The following TACC2 variants were observed in gnomAD, a reference collection of about 807,000 sequenced individuals.
The protein encoded by TACC2 is transforming acidic coiled-coil containing protein 2.
TACC2 carries 137 observed loss-of-function variants against 227.3 expected under a neutral mutation model. The observed-to-expected ratio is 0.60, with a 90% confidence interval of 0.52 to 0.69. The LOEUF (loss-of-function observed/expected upper bound fraction) is 0.69. Ranked by LOEUF, TACC2 falls within the 30% of genes least tolerant of loss-of-function variation. The pLI is 0.00. For missense variants in TACC2, 3,470 were observed against 3,694.4 expected (o/e 0.94, Z 1.57); for synonymous variants, 1,523 against 1,487.5 (o/e 1.02, Z -0.55).
At chr10:122,229,246 A>C in intron 14 of TACC2, 100 bp from the exon 15 acceptor site, 1 of 1,459,736 alleles carries the variant, frequency 6.9e-7, no homozygotes. Flanking sequence ...CTCAAGGCAA[A>C]AATGTCCAGC....
At chr10:122,236,132 G>A (rs1281033948) in intron 16 of TACC2, among the ~76,000 whole-genome samples, 5 of 152,232 alleles carry the variant, frequency 3.3e-5, no homozygotes, top group Admixed American at 2.6e-4. Flanking sequence ...TGATGCTGTC[G>A]TAGGGTAGGC....
intron 5 of TACC2, among the ~76,000 whole-genome samples, chr10:122,093,240 A>G (rs1467588384): frequency 6.6e-6 from 1 of 152,138 alleles, no homozygotes; most frequent in African/African-American, 2.4e-5. Flanking sequence ...TGGATTGAAA[A>G]GTGGAGGGAG....
chr10:122,211,135 C>G lies in TACC2; in HGVS notation c.6710C>G (p.Thr2237Ser). The change falls in exon 9 of 23, where the codon ACC (threonine) becomes AGC (serine). Residue 2237 changes from threonine (T) to serine (S), a missense_variant. Thr to Ser is a moderately conservative substitution (Grantham distance 58). Coordinates refer to ENST00000369005, the MANE Select transcript of TACC2 (RefSeq NM_206862.4). ...PPVGRKTLPLTTAPEAGEVTP... is the reference protein window; with the variant it reads ...PPVGRKTLPLSTAPEAGEVTP... ...GTCGGGAGGAAAACGCTGCCTCTTA[C>G]CACGGCCCCGGAGGCAGGGGAGGTA... 1 of 1,609,058 alleles carries G rather than the reference C, an allele frequency of 6.2e-7. No homozygotes were observed. The highest frequency in any genetic ancestry group is 1.3e-5 in the African/African-American group (1 of 74,824).
At chr10:122,229,302 C>A in intron 14 of TACC2, 44 bp from the exon 15 acceptor site, 1 of 1,610,638 alleles carries the variant, frequency 6.2e-7, no homozygotes, top group Non-Finnish European at 8.5e-7. Context: ...ACTCTCTGTT[C>A]TCCTCTATTT....
chr10:121,991,852 C>T (rs144455402), intron 1 of TACC2, among the ~76,000 whole-genome samples: 50 of 152,296 alleles, frequency 3.3e-4, no homozygotes, highest in Admixed American at 5.9e-4. Context: ...CTCACAGTTC[C>T]GTGTGGCTGG....
chr10:122,064,354 G>T (rs1239628630), intron 3 of TACC2, among the ~76,000 whole-genome samples: 1 of 151,986 alleles, frequency 6.6e-6, no homozygotes, highest in Admixed American at 6.6e-5. Context: ...ACATTAATGT[G>T]GTATATTTGT....
At chr10:122,001,024 T>C (rs932648159) in intron 1 of TACC2, among the ~76,000 whole-genome samples, 5 of 152,212 alleles carry the variant, frequency 3.3e-5, no homozygotes, top group Non-Finnish European at 7.3e-5. Context: ...GGTTTCATCA[T>C]GTTGGCCGGG....
chr10:122,122,310 G>C (rs1465027212), intron 5 of TACC2, among the ~76,000 whole-genome samples: 3 of 152,126 alleles, frequency 2.0e-5, no homozygotes, highest in African/African-American at 7.2e-5. Flanking sequence ...AGCCGAGATC[G>C]TGCCACTGTA....
At chr10:122,059,554 C>T (rs969783864) in intron 3 of TACC2, among the ~76,000 whole-genome samples, 3 of 82,010 alleles carry the variant, frequency 3.7e-5, no homozygotes, top group Non-Finnish European at 8.8e-5. Flanking sequence ...CTCTCCTGTT[C>T]TCTCCTCTTT....
At chr10:122,130,693 TC>T (rs2138763299) in intron 5 of TACC2, among the ~76,000 whole-genome samples, 1 of 152,344 alleles carries the variant, frequency 6.6e-6, no homozygotes, top group South Asian at 2.1e-4. Flanking sequence ...TAGCTGCTGT[TC>T]AACCTTCGAC....
intron 7 of TACC2, chr10:122,163,765 C>T (rs1398246678): frequency 1.6e-6 from 2 of 1,213,454 alleles, no homozygotes; most frequent in Admixed American, 4.4e-5. Context: ...AGTCGCAGCT[C>T]CCTGCCGCCG....
rs1342833766 is a variant in TACC2, at chr10:122,168,062, T to C, written c.5834+24356T>C. Among the ~76,000 whole-genome samples, 7 of 57,138 alleles carry C rather than the reference T, an allele frequency of 1.2e-4. No individual in the cohort carries two copies. In the Admixed American group the frequency reaches 1.3e-3, roughly 10 times the overall value. The allele number at this position is 57,138 out of a possible 152,430, so 37.5% of individuals were successfully genotyped here. A position where few individuals can be genotyped will look rare whatever the true frequency, so the allele number is the denominator to read the frequency against. On this transcript the variant is annotated intron_variant, in intron 7 of 22. Transcript: ENST00000369005. ...TCACCATGCCCAGCTTTTTTTTTTTTTTTTTTTTTTAAATAATTTTTTGTA... is the reference window on the plus strand; with the variant it reads ...TCACCATGCCCAGCTTTTTTTTTTTCTTTTTTTTTTAAATAATTTTTTGTA...
rs1453696909 is a variant in TACC2, at chr10:122,006,616, T to G, written c.-45-15321T>G. Among the ~76,000 whole-genome samples, 3 of 152,226 alleles carry G rather than the reference T, an allele frequency of 2.0e-5. No homozygotes were observed. In the East Asian group the frequency reaches 5.8e-4, roughly 29 times the overall value. The stretch of plus-strand genomic sequence containing the variant: ...CTTGGGATTGATTGTTTTGGGTTAA[T>G]TTTCCTAGGTATTTAGTGAGTCCTT... On this transcript the variant is annotated intron_variant, in intron 1 of 22. Transcript: ENST00000369005.
chr10:122,085,263 G>T lies in TACC2; in HGVS notation c.2763G>T (p.Met921Ile), dbSNP rs1309792473. Residue 921 changes from methionine to isoleucine, a missense_variant, in exon 4 of 23, where the codon ATG (methionine) becomes ATT (isoleucine). Around this residue, in one of 10 missense-constraint regions of TACC2, gnomAD observed 1,924 missense variants for 1,978.3 expected, o/e 0.97. Transcript: ENST00000369005. ...SDTPTSSPTD[M>I]VWESSLTEES... is the part of the protein sequence containing the mutation. ...CTCCAACTTCATCTCCCACTGACATGGTTTGGGAGAGTTCTCTGACAGAAG... is the reference window on the plus strand; with the variant it reads ...CTCCAACTTCATCTCCCACTGACATTGTTTGGGAGAGTTCTCTGACAGAAG... 2 of 1,613,936 alleles carry T rather than the reference G, an allele frequency of 1.2e-6. No individual in the cohort carries two copies. The highest frequency in any genetic ancestry group is 1.3e-5 in the African/African-American group (1 of 74,910).
chr10:122,228,433 T>G (rs79554398), intron 14 of TACC2, among the ~76,000 whole-genome samples: 1,596 of 152,118 alleles, frequency 0.01, 36 homozygotes, highest in African/African-American at 0.036. Flanking sequence ...ACTTTTCCTC[T>G]CCCCAAGCCC....
chr10:122,127,121 G>T, intron 5 of TACC2: 1 of 168,430 alleles, frequency 5.9e-6, no homozygotes, highest in Non-Finnish European at 1.2e-5. Context: ...CCTTGATCTT[G>T]GACTTCCCAG....
chr10:122,010,473 C>T (rs1201192885), intron 1 of TACC2, among the ~76,000 whole-genome samples: 2 of 152,168 alleles, frequency 1.3e-5, no homozygotes, highest in African/African-American at 4.8e-5. Flanking sequence ...AAAAGAGGCC[C>T]TTTACTGCAA....
chr10:122,082,550 A>G (rs2459103), intron 3 of TACC2, 97 bp from the exon 4 acceptor site: 1,359,155 of 1,366,768 alleles, frequency 0.99, 676,069 homozygotes, highest in East Asian at 1. Flanking sequence ...AGGGCACTTG[A>G]TGCCCTTTTG....
intron 5 of TACC2, among the ~76,000 whole-genome samples, chr10:122,091,431 G>C (rs1018217600): frequency 6.6e-6 from 1 of 152,050 alleles, no homozygotes; most frequent in Admixed American, 6.6e-5. Context: ...TGTGGCTTTT[G>C]AATACCTGGG....
Sources: gnomAD v4.1 joint callset for allele counts (sites outside exome capture counted in the v4.1 genomes callset) on GRCh38, gnomAD v4.1.1 for gene constraint, gnomAD v4.1.1 regional missense constraint, MANE v1.5 for transcripts, NCBI Gene and HGNC (gene_info 2026-07-23, HGNC 2026-07-21) for gene names.